Variants in DLST observed in about 807,000 individuals in gnomAD.
The protein encoded by DLST is dihydrolipoyllysine-residue succinyltransferase component of 2-oxoglutarate dehydrogenase complex, mitochondrial.
Under a neutral mutation model 53.1 loss-of-function variants are expected in DLST, and 17 were observed. The observed-to-expected ratio is 0.32, with a 90% CI of 0.22 to 0.48. The LOEUF (loss-of-function observed/expected upper bound fraction) is 0.48, where lower values mean the gene tolerates loss of function less well. Among genes scored for constraint, DLST ranks in the 20% least tolerant of loss-of-function variants. DLST has a pLI of 0.99. For missense variants in DLST, 512 were observed against 583.9 expected (o/e 0.88, Z 1.27); for synonymous variants, 206 against 204.8 (o/e 1.01, Z -0.05).
At chr14:74,891,338 C>T in intron 7 of DLST, 171 bp downstream of exon 7, 1 of 1,386,856 alleles carries the variant, frequency 7.2e-7, no homozygotes, top group Non-Finnish European at 9.4e-7. Flanking sequence ...ATGTCAAATT[C>T]TAAAAGAAAA....
chr14:74,893,512 A>G, intron 9 of DLST, 88 bp downstream of exon 9: 1 of 1,414,412 alleles, frequency 7.1e-7, no homozygotes, highest in Non-Finnish European at 1.0e-6. Context: ...CTACCTTTGA[A>G]TGCCTGGCAG....
intron 2 of DLST, among the ~76,000 whole-genome samples, chr14:74,884,826 G>A (rs1883648222): frequency 6.6e-6 from 1 of 152,184 alleles, no homozygotes; most frequent in South Asian, 2.1e-4. Flanking sequence ...CTGAGCCCAT[G>A]GTTCAGAAAG....
chr14:74,894,203 G>A (rs2070598), intron 9 of DLST, 109 bp from the exon 10 acceptor site: 607,340 of 1,285,566 alleles, frequency 0.47, 145,759 homozygotes, highest in South Asian at 0.58. Flanking sequence ...CTTAGATACT[G>A]TAGTCCTTGG....
At chr14:74,899,871 A>T in intron 11 of DLST, 52 bp from the exon 12 acceptor site, 2 of 1,416,006 alleles carry the variant, frequency 1.4e-6, no homozygotes, top group Non-Finnish European at 2.0e-6. Flanking sequence ...TTACCTCATT[A>T]GTCTTGGCCT....
chr14:74,903,204 C>T lies in DLST; in HGVS notation c.*874C>T, dbSNP rs1594884738. The T allele has an allele frequency of 6.5e-6, 1 of 152,722 alleles. No individual in the cohort carries two copies. The highest frequency in any genetic ancestry group is 2.4e-5 in the African/African-American group (1 of 41,446). The allele number at this position is 152,722 out of a possible 1,614,324, so 9.5% of individuals were successfully genotyped here. On this transcript the variant is annotated 3_prime_UTR_variant, in exon 15 of 15. Coordinates refer to ENST00000334220, the MANE Select transcript of DLST (RefSeq NM_001933.5). ...CGTGGTCCCGAGGAAGGGCCAGAGC[C>T]TGGTAGAGACTAGGGAAGGGAGGTC...
At chr14:74,900,049 G>T in intron 12 of DLST, 53 bp downstream of exon 12, 1 of 1,384,300 alleles carries the variant, frequency 7.2e-7, no homozygotes, top group Non-Finnish European at 1.0e-6. Flanking sequence ...CACCTTATCT[G>T]TGTGAAGGAG....
chr14:74,892,851 A>G lies in DLST; in HGVS notation c.460A>G (p.Lys154Glu). 6.2e-7 allele frequency: 1 copy of G among 1,612,752 alleles called. No homozygotes were observed. Among genetic ancestry groups the G allele is most frequent in the South Asian group, 1.1e-5 (1 of 90,908 alleles). Reference sequence around the variant, plus strand: ...TTTTTCAGCTGCTCCTGCTAAGGCCAAGCCGGCTGAAGCTCCTGCTGCTGC... The same window carrying G: ...TTTTTCAGCTGCTCCTGCTAAGGCCGAGCCGGCTGAAGCTCCTGCTGCTGC... The part of the protein sequence containing the change: ...RKTGAAPAKA[K>E]PAEAPAAAAP... Residue 154 changes from lysine (K) to glutamate (E), a missense_variant, in exon 8 of 15, where the codon AAG becomes GAG. Coordinates refer to ENST00000334220, the MANE Select transcript of DLST (RefSeq NM_001933.5).
At chr14:74,887,334 C>G (rs1325315033) in intron 3 of DLST, among the ~76,000 whole-genome samples, 1 of 151,986 alleles carries the variant, frequency 6.6e-6, no homozygotes, top group Non-Finnish European at 1.5e-5. Flanking sequence ...TTTAGAGATT[C>G]AAAATGTATT....
Position 74,889,135 on chromosome 14 carries a change from A to C in DLST, c.187A>C (p.Thr63Pro), listed in dbSNP as rs1175069920. The change falls in exon 4 of 15, where the codon ACA becomes CCA. Residue 63 changes from threonine (T) to proline (P), a missense_variant. By Grantham distance (38) the Thr-to-Pro change is conservative. Around this residue, in one of 4 missense-constraint regions of DLST, gnomAD observed 129 missense variants for 90.9 expected, o/e 1.42. Coordinates refer to ENST00000334220, the MANE Select transcript of DLST (RefSeq NM_001933.5). ...SVFSVRFFRT[T>P]AVCKDDLVTV... Reference sequence around the variant, plus strand: ...CTTCAGTGTTCGCTTTTTCAGAACTACAGCTGTATGCAGTAAGTACCTGCT... The same window carrying C: ...CTTCAGTGTTCGCTTTTTCAGAACTCCAGCTGTATGCAGTAAGTACCTGCT... 1 of 1,614,136 alleles carries C rather than the reference A, an allele frequency of 6.2e-7. No individual in the cohort carries two copies.
chr14:74,898,397 A>G lies in DLST; in HGVS notation c.799A>G (p.Lys267Glu). ...CATCCAGGAGATGAGGGCTCGGCAC[A>G]AAGAGGCTTTTTTGAAGAAACATAA... is the stretch of plus-strand genomic sequence containing the variant. ...SNIQEMRARHKEAFLKKHNLK... is the reference protein window; with the variant it reads ...SNIQEMRARHEEAFLKKHNLK... Residue 267 changes from lysine (K) to glutamate (E), a missense_variant, in exon 11 of 15, where the codon AAA (lysine) becomes GAA (glutamate). Transcript: ENST00000334220. 6.2e-7 allele frequency: 1 copy of G among 1,612,938 alleles called. No homozygotes were observed. The highest frequency in any genetic ancestry group is 1.3e-5 in the African/African-American group (1 of 75,012).
At chr14:74,897,579 A>T (rs1007709315) in intron 10 of DLST, among the ~76,000 whole-genome samples, 10 of 152,204 alleles carry the variant, frequency 6.6e-5, no homozygotes, top group Non-Finnish European at 1.0e-4. Flanking sequence ...ACCAGCCTAA[A>T]CCACAAGTGG....
At chr14:74,889,788 C>A in intron 5 of DLST, 109 bp from the exon 6 acceptor site, 1 of 1,010,186 alleles carries the variant, frequency 9.9e-7, no homozygotes, top group Non-Finnish European at 1.5e-6. Flanking sequence ...GTACTTTCTG[C>A]TGGCCCTGTA....
intron 13 of DLST, among the ~76,000 whole-genome samples, chr14:74,900,776 G>A (rs980129255): frequency 1.3e-5 from 2 of 152,186 alleles, no homozygotes; most frequent in African/African-American, 4.8e-5. Context: ...CCAGGCTGGA[G>A]TAGAGTGGTA....
At position 74,900,273 on chromosome 14, in the gene DLST, T is replaced by C. The variant is rs1263997097; in HGVS notation, c.976-16T>C. On this transcript the variant is annotated splice_polypyrimidine_tract_variant and intron_variant, in intron 12 of 14. Transcript: ENST00000334220. The stretch of plus-strand genomic sequence containing the variant: ...CTATTAATTTGCAACTGAAAACAGC[T>C]TTTCACCCCCTTCAGGGTCTGGTGG... 6.2e-7 allele frequency: 1 copy of C among 1,613,592 alleles called. No individual in the cohort carries two copies. The highest frequency in any genetic ancestry group is 8.5e-7 in the Non-Finnish European group (1 of 1,179,648).
At chr14:74,898,559 C>T (rs763853024) in intron 11 of DLST, 60 bp downstream of exon 11, 3 of 1,566,056 alleles carry the variant, frequency 1.9e-6, no homozygotes, top group Non-Finnish European at 2.6e-6. Flanking sequence ...GAGCACAGAC[C>T]TGCTCCCACA....
intron 5 of DLST, 36 bp from the exon 6 acceptor site, chr14:74,889,861 A>G: frequency 1.2e-6 from 2 of 1,611,808 alleles, no homozygotes; most frequent in Admixed American, 3.3e-5. Context: ...GCTCCCCGCT[A>G]ACAGGTAGCC....
chr14:74,883,464 G>A (rs1883601113), intron 2 of DLST, among the ~76,000 whole-genome samples: 2 of 152,182 alleles, frequency 1.3e-5, no homozygotes, highest in Admixed American at 1.3e-4. Context: ...GGTTAAGGGA[G>A]AGAGTGGCAA....
rs1013799082 is a variant in DLST, at chr14:74,890,691, C to T, written c.331-365C>T. On this transcript the variant is annotated intron_variant, in intron 6 of 14. Coordinates refer to ENST00000334220, the MANE Select transcript of DLST (RefSeq NM_001933.5). ...CAAGGCCTTATATATTGTGTTGCAA[C>T]TCTTGTTACTCACTGGAGATACGCT... Among the ~76,000 whole-genome samples, 4 of 152,294 alleles carry T rather than the reference C, an allele frequency of 2.6e-5. No individual in the cohort carries two copies. In the Middle Eastern group the frequency reaches 0.014, roughly 518 times the overall value.
At chr14:74,887,183 CTA>C (rs1489068937) in intron 3 of DLST, among the ~76,000 whole-genome samples, 1 of 147,424 alleles carries the variant, frequency 6.8e-6, no homozygotes, top group Non-Finnish European at 1.5e-5. Flanking sequence ...ATTGGCTAAA[CTA>C]TAGCATGTTC....
Sources: gnomAD v4.1 joint callset for allele counts (sites outside exome capture counted in the v4.1 genomes callset) on GRCh38, gnomAD v4.1.1 for gene constraint, gnomAD v4.1.1 regional missense constraint, MANE v1.5 for transcripts, NCBI Gene and HGNC (gene_info 2026-07-23, HGNC 2026-07-21) for gene names.